AGBL1: variants seen among roughly 807,000 people sequenced by gnomAD.
AGBL1 encodes cytosolic carboxypeptidase 4.
Under a neutral mutation model 118.9 loss-of-function variants are expected in AGBL1, and 130 were observed. The observed-to-expected ratio is 1.09, with a 90% CI of 0.95 to 1.26. AGBL1 has a LOEUF of 1.26. Among genes scored for constraint, AGBL1 ranks in the 50% most tolerant of loss-of-function variants. The probability of loss-of-function intolerance (pLI) is 0.00; values close to 1 mark genes in which losing one functional copy is unlikely to be tolerated. For missense variants in AGBL1, 1,584 were observed against 1,298.1 expected, an observed-to-expected ratio of 1.22 and a Z score of -3.38; for synonymous variants, 555 against 478.9, an observed-to-expected ratio of 1.16 and a Z score of -2.08.
chr15:86,789,649 G>T (rs2078463857), intron 22 of AGBL1, among the ~76,000 whole-genome samples: 1 of 152,152 alleles, frequency 6.6e-6, no homozygotes, highest in African/African-American at 2.4e-5. Context: ...GCCCATTTCA[G>T]TGGCTCTCAA....
chr15:86,638,081 C>A (rs1446662700), intron 21 of AGBL1, among the ~76,000 whole-genome samples: 1 of 152,142 alleles, frequency 6.6e-6, no homozygotes, highest in Non-Finnish European at 1.5e-5. Flanking sequence ...GACTACTTCT[C>A]ATCTTCTTTC....
chr15:86,923,033 C>A (rs143809355), intron 23 of AGBL1, among the ~76,000 whole-genome samples: 12 of 152,292 alleles, frequency 7.9e-5, no homozygotes, highest in Non-Finnish European at 1.5e-4. Flanking sequence ...CAGGGCACTG[C>A]AGCAAGAAGG....
At chr15:86,885,122 T>TCACA (rs1404613032) in intron 22 of AGBL1, among the ~76,000 whole-genome samples, 4 of 43,618 alleles carry the variant, frequency 9.2e-5, no homozygotes, top group African/African-American at 2.3e-4. Context: ...TAAAATAACT[T>TCACA]TACATACATA....
Position 86,142,121 on chromosome 15 carries a change from T to G in AGBL1, c.115+54T>G. 3.3e-6 allele frequency: 5 copies of G among 1,529,382 alleles called. No individual in the cohort carries two copies. The South Asian group carries it at 6.0e-5, about 18-fold the overall frequency. The allele number at this position is 1,529,382 out of a possible 1,614,324, so 94.7% of individuals were successfully genotyped here. A position where few individuals can be genotyped will look rare whatever the true frequency, so the allele number is the denominator to read the frequency against. ...TATGGCGGATGTGGAGCCTGCTGGC[T>G]GTGATCTCTCCCAGGCACCTCTGTG... is the stretch of plus-strand genomic sequence containing the variant. On this transcript the variant is annotated intron_variant, in intron 2 of 22. Transcript: ENST00000614907.
At chr15:86,612,589 C>A (rs62012547) in intron 21 of AGBL1, among the ~76,000 whole-genome samples, 27 of 152,090 alleles carry the variant, frequency 1.8e-4, no homozygotes, top group Admixed American at 3.3e-4. Flanking sequence ...ACCTGACTCT[C>A]GTACAGCATC....
chr15:86,138,802 A>G (rs2076922689), intron 1 of AGBL1, among the ~76,000 whole-genome samples: 1 of 152,132 alleles, frequency 6.6e-6, no homozygotes, highest in African/African-American at 2.4e-5. Flanking sequence ...CAGCCTTTCC[A>G]AAGGCTTTTA....
chr15:86,734,818 T>C (rs1219554937), intron 22 of AGBL1, among the ~76,000 whole-genome samples: 2 of 152,084 alleles, frequency 1.3e-5, no homozygotes, highest in Non-Finnish European at 2.9e-5. Context: ...AAAAAGAAGA[T>C]AAAAGAGCAA....
At chr15:86,769,639 C>T (rs1177029575) in intron 22 of AGBL1, among the ~76,000 whole-genome samples, 1 of 151,990 alleles carries the variant, frequency 6.6e-6, no homozygotes, top group South Asian at 2.1e-4. Flanking sequence ...AGTCCAAGGA[C>T]ACTTGTTCAT....
intron 17 of AGBL1, among the ~76,000 whole-genome samples, chr15:86,361,835 T>C (rs1345136284): frequency 6.6e-6 from 1 of 152,182 alleles, no homozygotes; most frequent in Non-Finnish European, 1.5e-5. Flanking sequence ...ATGTATGTCC[T>C]TAAAGCTAAA....
chr15:86,883,605 C>T (rs191655311), intron 22 of AGBL1, among the ~76,000 whole-genome samples: 10 of 152,238 alleles, frequency 6.6e-5, no homozygotes, highest in South Asian at 2.1e-4. Context: ...CAAACTCTAC[C>T]GTAATTGATC....
At position 86,225,057 on chromosome 15, in the gene AGBL1, A is replaced by G. The variant is rs576036092; in HGVS notation, c.526+106A>G. ...TCTTTTTTTTTTTTTTTCATGAACT[A>G]CTATTTCTCAATCACCTATGGCTAA... On this transcript the variant is annotated intron_variant, in intron 6 of 22. Coordinates refer to ENST00000614907, the MANE Select transcript of AGBL1 (RefSeq NM_001386094.1). 104 of 1,094,466 alleles carry G rather than the reference A, an allele frequency of 9.5e-5. 3 individuals carry two copies. The South Asian group carries it at 1.5e-3, about 16-fold the overall frequency. 67.8% of individuals were successfully genotyped at this position (1,094,466 alleles called of 1,614,324 possible). A position where few individuals can be genotyped will look rare whatever the true frequency, so the allele number is the denominator to read the frequency against.
chr15:86,740,403 A>G (rs2077660771), intron 22 of AGBL1, among the ~76,000 whole-genome samples: 1 of 152,118 alleles, frequency 6.6e-6, no homozygotes, highest in African/African-American at 2.4e-5. Context: ...CTTGACATAA[A>G]ATTGTTGCCA....
At chr15:86,399,999 T>C (rs1478721393) in intron 18 of AGBL1, among the ~76,000 whole-genome samples, 1 of 152,200 alleles carries the variant, frequency 6.6e-6, no homozygotes, top group Non-Finnish European at 1.5e-5. Flanking sequence ...CTACAGGTCG[T>C]AGCACATCAT....
intron 22 of AGBL1, among the ~76,000 whole-genome samples, chr15:86,772,893 G>C (rs1367266449): frequency 6.6e-6 from 1 of 151,998 alleles, no homozygotes; most frequent in Non-Finnish European, 1.5e-5. Context: ...AAGCCAGAGG[G>C]AATGGGTTAA....
Position 86,144,571 on chromosome 15 carries a change from C to T in AGBL1, c.262+726C>T, listed in dbSNP as rs552531748. ...GCAAACTAAAGCAGAAACAGAAAAC[C>T]AAATACCTCATGCTGTCACTTACAA... is the stretch of plus-strand genomic sequence containing the variant. On this transcript the variant is annotated intron_variant, in intron 3 of 22. Transcript: ENST00000614907. Among the ~76,000 whole-genome samples the T allele has an allele frequency of 1.6e-3, 237 of 152,228 alleles. 3 individuals carry two copies. The South Asian group carries it at 0.046, about 30-fold the overall frequency.
At chr15:86,144,640 C>G (rs1323507219) in intron 3 of AGBL1, among the ~76,000 whole-genome samples, 5 of 152,056 alleles carry the variant, frequency 3.3e-5, no homozygotes, top group African/African-American at 9.7e-5. Flanking sequence ...CAGAGGGGAA[C>G]AACACACACT....
At chr15:86,118,687 TAGG>T (rs1441254778) in intron 1 of AGBL1, among the ~76,000 whole-genome samples, 1 of 151,690 alleles carries the variant, frequency 6.6e-6, no homozygotes, top group South Asian at 2.1e-4. Flanking sequence ...GGGCAGGAAA[TAGG>T]AGTTCTTCTC....
chr15:86,124,399 A>C (rs1049413885), intron 1 of AGBL1, among the ~76,000 whole-genome samples: 1 of 151,984 alleles, frequency 6.6e-6, no homozygotes, highest in African/African-American at 2.4e-5. Context: ...AAAATCAATA[A>C]TGTACCAATG....
intron 24 of AGBL1, among the ~76,000 whole-genome samples, chr15:86,988,747 T>G (rs1410045058): frequency 6.6e-6 from 1 of 152,194 alleles, no homozygotes; most frequent in Admixed American, 6.5e-5. Flanking sequence ...ATTTCAAATT[T>G]TGGTCTTATG....
Sources: allele counts gnomAD v4.1 joint callset (sites outside exome capture counted in the v4.1 genomes callset), GRCh38; gene constraint gnomAD v4.1.1; transcripts MANE v1.5; gene names NCBI Gene and HGNC (gene_info 2026-07-23, HGNC 2026-07-21).